ANKRD31: variants seen among roughly 807,000 people sequenced by gnomAD.
The protein encoded by ANKRD31 is ankyrin repeat domain-containing protein 31.
ANKRD31 carries 147 observed loss-of-function variants against 186.0 expected under a neutral mutation model. That is an observed-to-expected ratio of 0.79 (90% CI 0.69 to 0.91). ANKRD31 has a LOEUF of 0.91. Ranked by LOEUF, ANKRD31 falls within the 40% of genes least tolerant of loss-of-function variation. The pLI, the probability that ANKRD31 is intolerant of heterozygous loss-of-function variation, is 0.00. For synonymous variants in ANKRD31, 673 were observed against 736.4 expected, an observed-to-expected ratio of 0.91 and a Z score of 1.39; for missense variants, 1,986 against 2,148.8, an observed-to-expected ratio of 0.92 and a Z score of 1.50.
intron 10 of ANKRD31, among the ~76,000 whole-genome samples, chr5:75,184,897 A>G (rs370927986): frequency 2.0e-5 from 3 of 152,338 alleles, no homozygotes; most frequent in East Asian, 3.9e-4. Flanking sequence ...TGTCAAAGAT[A>G]TATCTAAATT....
chr5:75,167,444 A>T lies in ANKRD31; in HGVS notation c.1707+1535T>A, dbSNP rs752962420. ...CCATTTCTCTGATCATCTTTGCCTG[A>T]CATCACACCAACTACTGGTTTCAAC... On this transcript the variant is annotated intron_variant, in intron 11 of 25. Transcript: ENST00000506364. Among the ~76,000 whole-genome samples, 5 of 152,344 alleles carry T rather than the reference A, an allele frequency of 3.3e-5. No individual in the cohort carries two copies. In the East Asian group the frequency reaches 9.7e-4, roughly 29 times the overall value.
In ANKRD31 at chr5:75,118,252, C is replaced by A. The variant is rs1411544907; in HGVS notation, c.3922G>T (p.Asp1308Tyr). The A allele has an allele frequency of 3.3e-6, 5 of 1,518,672 alleles. No individual in the cohort carries two copies. In the East Asian group the frequency reaches 1.2e-4, roughly 37 times the overall value. 94.1% of individuals were successfully genotyped at this position (1,518,672 alleles called of 1,614,324 possible). A position where few individuals can be genotyped will look rare whatever the true frequency, so the allele number is the denominator to read the frequency against. ...TCCAAAGCACTCTTCTGTTTTTGAT[C>A]TTTTTGATTAGGGTTTGCTCCATTT... ...LQNGANPNQK[D>Y]QKQKSALDEA... is the part of the protein sequence containing the mutation. The change falls in exon 18 of 26, where the codon GAT (aspartate) becomes TAT (tyrosine). Residue 1308 changes from aspartate (D) to tyrosine (Y), a missense_variant. By Grantham distance (160) the Asp-to-Tyr change is radical (BLOSUM62 -3). Transcript: ENST00000506364.
At chr5:75,072,977 T>C (rs1299231451) in intron 25 of ANKRD31, among the ~76,000 whole-genome samples, 2 of 152,204 alleles carry the variant, frequency 1.3e-5, no homozygotes, top group Non-Finnish European at 2.9e-5. Context: ...TAATTCCTAT[T>C]GTTCCACAGT....
At position 75,193,466 on chromosome 5, in the gene ANKRD31, C is replaced by T. The variant is rs752067768; in HGVS notation, c.1143G>A (p.Ala381=). 4.2e-5 allele frequency: 64 copies of T among 1,537,204 alleles called. No individual in the cohort carries two copies. The highest frequency in any genetic ancestry group is 3.6e-4 in the South Asian group (30 of 84,068). Residue 381 remains alanine (A), a synonymous_variant, in exon 8 of 26, where the codon GCG becomes GCA. Coordinates refer to ENST00000506364, the MANE Select transcript of ANKRD31 (RefSeq NM_001372053.1). Reference sequence around the variant, plus strand: ...GTCTGGATGATCTCCTCAACACACACGCAGTTTCCTGATCAGAGCTATTTG... The same window carrying T: ...GTCTGGATGATCTCCTCAACACACATGCAGTTTCCTGATCAGAGCTATTTG... ...SVTNSSDQET[A]CVLRRSSRLE...
rs1185188314 is a variant in ANKRD31, at chr5:75,145,972, C to T, written c.3424+15G>A. The T allele has an allele frequency of 2.1e-6, 3 of 1,432,978 alleles. No individual in the cohort carries two copies. The highest frequency in any genetic ancestry group is 2.7e-6 in the Non-Finnish European group (3 of 1,091,550). The allele number at this position is 1,432,978 out of a possible 1,614,324, so 88.8% of individuals were successfully genotyped here. Reference sequence around the variant, plus strand: ...CTATAGGAAATATGTACAGATTAAGCAATATTACTAATACCTGGTTTGTGA... The same window carrying T: ...CTATAGGAAATATGTACAGATTAAGTAATATTACTAATACCTGGTTTGTGA... On this transcript the variant is annotated intron_variant, in intron 14 of 25. Coordinates refer to ENST00000506364, the MANE Select transcript of ANKRD31 (RefSeq NM_001372053.1).
Position 75,188,510 on chromosome 5 carries a change from T to C in ANKRD31, c.1547A>G (p.Asn516Ser), listed in dbSNP as rs1312109846. 1.4e-5 allele frequency: 21 copies of C among 1,535,756 alleles called. No individual in the cohort carries two copies. Among genetic ancestry groups the C allele is most frequent in the Non-Finnish European group, 1.7e-5 (20 of 1,146,318 alleles). The change falls in exon 10 of 26, where the codon AAT becomes AGT. Residue 516 changes from asparagine to serine, a missense_variant. Physicochemically the swap from Asn to Ser is conservative, Grantham distance 46. Transcript: ENST00000506364. ...HHCIKKGGNV[N>S]QPSYAGWTAL... ...TAACTTACCAGCATAACTTGGCTGA[T>C]TAACATTTCCACCTTTTTTTATACA...
At chr5:75,164,912 C>T (rs914683633) in intron 11 of ANKRD31, among the ~76,000 whole-genome samples, 4 of 152,160 alleles carry the variant, frequency 2.6e-5, no homozygotes, top group African/African-American at 9.7e-5. Context: ...CCATTGCTTT[C>T]AATTTCCCTA....
At chr5:75,205,364 T>C (rs908404103) in intron 5 of ANKRD31, among the ~76,000 whole-genome samples, 7 of 152,328 alleles carry the variant, frequency 4.6e-5, no homozygotes, top group African/African-American at 1.7e-4. Flanking sequence ...CACAGCACCA[T>C]TGAGCTAACC....
intron 17 of ANKRD31, among the ~76,000 whole-genome samples, chr5:75,120,236 A>T (rs1240232284): frequency 6.6e-6 from 1 of 152,152 alleles, no homozygotes; most frequent in Non-Finnish European, 1.5e-5. Context: ...CTCTATAAAA[A>T]AGTAAAAAAT....
intron 3 of ANKRD31, among the ~76,000 whole-genome samples, chr5:75,214,184 T>A (rs1561542553): frequency 1.3e-5 from 2 of 152,216 alleles, no homozygotes; most frequent in Non-Finnish European, 2.9e-5. Flanking sequence ...TTCTTAAATG[T>A]TGACATCCAC....
intron 11 of ANKRD31, among the ~76,000 whole-genome samples, chr5:75,164,830 T>C (rs1242712781): frequency 6.6e-6 from 1 of 152,188 alleles, no homozygotes; most frequent in African/African-American, 2.4e-5. Flanking sequence ...AAAATGTAAA[T>C]ATCCAGGCAT....
chr5:75,115,028 C>A (rs1748099587), intron 19 of ANKRD31, among the ~76,000 whole-genome samples: 1 of 152,044 alleles, frequency 6.6e-6, no homozygotes, highest in Admixed American at 6.6e-5. Flanking sequence ...CTACAGTAAC[C>A]AAAACAGCAT....
intron 23 of ANKRD31, among the ~76,000 whole-genome samples, chr5:75,087,283 G>T (rs535682742): frequency 5.3e-5 from 8 of 152,026 alleles, no homozygotes; most frequent in Non-Finnish European, 1.0e-4. Flanking sequence ...AGGCCGATGT[G>T]GGGGGATCCC....
intron 15 of ANKRD31, among the ~76,000 whole-genome samples, chr5:75,141,704 G>C (rs970084234): frequency 6.6e-6 from 1 of 151,970 alleles, no homozygotes. Flanking sequence ...GAGGGATGCT[G>C]GGGTGGGAGA....
chr5:75,236,725 A>T lies in ANKRD31; in HGVS notation c.-39T>A. On this transcript the variant is annotated 5_prime_UTR_variant, in exon 1 of 26. Transcript: ENST00000506364. ...TCAAAGTCTTTTTTACCCTCCTCTA[A>T]CTCCCTCTTGCCCGCAAACAAAAAA... The T allele has an allele frequency of 6.8e-7, 1 of 1,471,990 alleles. No homozygotes were observed. The highest frequency in any genetic ancestry group is 9.1e-7 in the Non-Finnish European group (1 of 1,097,458). 91.2% of individuals were successfully genotyped at this position (1,471,990 alleles called of 1,614,324 possible).
At chr5:75,130,361 G>A (rs562377731) in intron 17 of ANKRD31, among the ~76,000 whole-genome samples, 4 of 152,182 alleles carry the variant, frequency 2.6e-5, no homozygotes, top group African/African-American at 9.7e-5. Context: ...GTGTGGAAAG[G>A]GACCTCAGTG....
intron 22 of ANKRD31, among the ~76,000 whole-genome samples, chr5:75,094,457 T>G (rs1397815702): frequency 6.6e-6 from 1 of 152,154 alleles, no homozygotes; most frequent in Non-Finnish European, 1.5e-5. Context: ...TAAGTTAGTA[T>G]GAATCTGAAG....
chr5:75,075,109 T>C (rs961825029), intron 25 of ANKRD31, among the ~76,000 whole-genome samples: 1 of 152,216 alleles, frequency 6.6e-6, no homozygotes, highest in South Asian at 2.1e-4. Flanking sequence ...AAATAAATAA[T>C]AACCTGTAAC....
intron 21 of ANKRD31, among the ~76,000 whole-genome samples, chr5:75,107,081 G>A (rs1747384341): frequency 6.6e-6 from 1 of 151,730 alleles, no homozygotes; most frequent in South Asian, 2.1e-4. Flanking sequence ...ATATAATCAG[G>A]ATAAAACTCT....
Sources: allele counts gnomAD v4.1 joint callset (sites outside exome capture counted in the v4.1 genomes callset), GRCh38; gene constraint gnomAD v4.1.1; transcripts MANE v1.5; gene names NCBI Gene and HGNC (gene_info 2026-07-23, HGNC 2026-07-21).